SLC14A2: variants seen among roughly 807,000 people sequenced by gnomAD.
The protein encoded by SLC14A2 is solute carrier family 14 member 2, also known as urea transporter 2.
SLC14A2 carries 91 observed loss-of-function variants against 104.6 expected under a neutral mutation model. The ratio of observed to expected loss-of-function variants is 0.87; its 90% CI spans 0.73 to 1.04. The LOEUF is 1.04. SLC14A2 is among the 50% of genes least tolerant of loss of function. The pLI, the probability that SLC14A2 is intolerant of heterozygous loss-of-function variation, is 0.00. For missense variants in SLC14A2, 1,189 were observed against 1,156.0 expected (o/e 1.03, Z -0.41); for synonymous variants, 476 against 466.4 (o/e 1.02, Z -0.27).
chr18:45,499,716 T>C (rs376597782), intron 2 of SLC14A2, among the ~76,000 whole-genome samples: 30 of 152,174 alleles, frequency 2.0e-4, no homozygotes, highest in Admixed American at 1.8e-3. Flanking sequence ...GGTGTCAACA[T>C]TGGGTTTTAA....
intron 1 of SLC14A2, among the ~76,000 whole-genome samples, chr18:45,315,497 G>A (rs2085120526): frequency 6.6e-6 from 1 of 152,300 alleles, no homozygotes; most frequent in African/African-American, 2.4e-5. Context: ...CAGTGAGCAA[G>A]TGGAGCCTGA....
intron 1 of SLC14A2, among the ~76,000 whole-genome samples, chr18:45,245,909 A>G (rs2058971641): frequency 6.6e-6 from 1 of 152,242 alleles, no homozygotes; most frequent in South Asian, 2.1e-4. Context: ...TCAAGAGCAT[A>G]TACTATTGTT....
At chr18:45,414,757 A>AAAAAAAAAAAATATAT (rs1360051908) in intron 1 of SLC14A2, among the ~76,000 whole-genome samples, 1 of 76,110 alleles carries the variant, frequency 1.3e-5, no homozygotes, top group Non-Finnish European at 2.2e-5. Context: ...AAAAAAAAAA[A>AAAAAAAAAAAATATAT]ATATATATAT....
intron 10 of SLC14A2, among the ~76,000 whole-genome samples, chr18:45,659,607 A>G (rs1344624524): frequency 3.3e-5 from 5 of 152,154 alleles, no homozygotes; most frequent in Non-Finnish European, 7.3e-5. Flanking sequence ...ACCGTCTATA[A>G]ACTTCCACTC....
At chr18:45,310,717 T>G (rs1213918960) in intron 1 of SLC14A2, among the ~76,000 whole-genome samples, 1 of 152,216 alleles carries the variant, frequency 6.6e-6, no homozygotes, top group Admixed American at 6.5e-5. Context: ...ACTATGTCGG[T>G]CTCTATAACA....
chr18:45,445,125 T>G (rs1272643353), intron 1 of SLC14A2, among the ~76,000 whole-genome samples: 1 of 149,776 alleles, frequency 6.7e-6, no homozygotes, highest in African/African-American at 2.5e-5. Flanking sequence ...TTTTTTTTTT[T>G]TTTTAAGACG....
chr18:45,664,309 T>C (rs1015894272), intron 11 of SLC14A2, among the ~76,000 whole-genome samples: 7 of 152,166 alleles, frequency 4.6e-5, no homozygotes, highest in African/African-American at 1.7e-4. Flanking sequence ...TTCCCATCTA[T>C]GGCAATGGTG....
intron 1 of SLC14A2, among the ~76,000 whole-genome samples, chr18:45,449,059 T>A (rs1350831628): frequency 6.6e-6 from 1 of 152,068 alleles, no homozygotes; most frequent in East Asian, 1.9e-4. Context: ...GGCATTCAGG[T>A]CAGCTGTGAG....
At chr18:45,281,206 T>C (rs1481959595) in intron 1 of SLC14A2, among the ~76,000 whole-genome samples, 1 of 152,228 alleles carries the variant, frequency 6.6e-6, no homozygotes, top group African/African-American at 2.4e-5. Context: ...ATCATTTTTC[T>C]GGGGGTTAAC....
At position 45,431,502 on chromosome 18, in the gene SLC14A2, A is replaced by G. The variant is rs565229616; in HGVS notation, c.-124-51731A>G. On this transcript the variant is annotated intron_variant, in intron 1 of 20. Coordinates refer to the SLC14A2 transcript ENST00000586448. ...AACTACTTTGTGCAGTGCCTAGCAT[A>G]TGGTATGCACCCAAATAATGTTAGT... Among the ~76,000 whole-genome samples, 11 of 152,362 alleles carry G rather than the reference A, an allele frequency of 7.2e-5. No homozygotes were observed. In the East Asian group the frequency reaches 1.9e-3, roughly 27 times the overall value.
intron 1 of SLC14A2, among the ~76,000 whole-genome samples, chr18:45,330,788 A>G (rs544807562): frequency 6.6e-6 from 1 of 152,302 alleles, no homozygotes; most frequent in Admixed American, 6.5e-5. Flanking sequence ...TAAGAAGATC[A>G]AGATTCTGGA....
chr18:45,487,495 T>C (rs139026836), intron 2 of SLC14A2, among the ~76,000 whole-genome samples: 1 of 152,312 alleles, frequency 6.6e-6, no homozygotes, highest in East Asian at 1.9e-4. Context: ...TGGGCATTAT[T>C]CTGCCTACCA....
intron 2 of SLC14A2, among the ~76,000 whole-genome samples, chr18:45,605,807 T>C (rs1209278424): frequency 4.6e-5 from 7 of 152,024 alleles, no homozygotes; most frequent in Admixed American, 1.3e-4. Flanking sequence ...CCCAGAAAGA[T>C]AGGTTATCAG....
At position 45,649,497 on chromosome 18, in the gene SLC14A2, T is replaced by A. The variant is rs2045692857; in HGVS notation, c.1351+5337T>A. On this transcript the variant is annotated intron_variant, in intron 10 of 19. Transcript: ENST00000255226. ...TCATACATTCCCAGCCATTCTATCATCCATTTGGAGTTTACCATTTGTATT... is the reference window on the plus strand; with the variant it reads ...TCATACATTCCCAGCCATTCTATCAACCATTTGGAGTTTACCATTTGTATT... Among the ~76,000 whole-genome samples the A allele has an allele frequency of 2.0e-5, 3 of 152,378 alleles. No homozygotes were observed. The South Asian group carries it at 6.2e-4, about 32-fold the overall frequency.
At chr18:45,400,652 C>T (rs1288774271) in intron 1 of SLC14A2, among the ~76,000 whole-genome samples, 2 of 152,286 alleles carry the variant, frequency 1.3e-5, no homozygotes, top group East Asian at 3.9e-4. Flanking sequence ...ATCAATGTTT[C>T]TTGCCTGAGT....
intron 1 of SLC14A2, among the ~76,000 whole-genome samples, chr18:45,226,224 C>G (rs1178370082): frequency 6.6e-6 from 1 of 152,166 alleles, no homozygotes. Context: ...GTTGGTGGGA[C>G]TGTAAACTAG....
chr18:45,673,010 G>A lies in SLC14A2; in HGVS notation c.2340G>A (p.Leu780=), dbSNP rs761260620. The change falls in exon 17 of 20, where the codon TTG becomes TTA. Residue 780 remains leucine, a synonymous_variant. Coordinates refer to ENST00000255226, the MANE Select transcript of SLC14A2 (RefSeq NM_007163.4). Reference sequence around the variant, plus strand: ...TCATATCCTCACCTCTCATTTGCTTGCATGCAGCAATTGGATCCACCATGG... The same window carrying A: ...TCATATCCTCACCTCTCATTTGCTTACATGCAGCAATTGGATCCACCATGG... ...ALFISSPLIC[L]HAAIGSTMGM... The A allele has an allele frequency of 6.2e-7, 1 of 1,613,996 alleles. No individual in the cohort carries two copies. The highest frequency in any genetic ancestry group is 8.5e-7 in the Non-Finnish European group (1 of 1,180,004).
At chr18:45,227,662 A>G (rs1708262187) in intron 1 of SLC14A2, among the ~76,000 whole-genome samples, 1 of 152,198 alleles carries the variant, frequency 6.6e-6, no homozygotes, top group Non-Finnish European at 1.5e-5. Flanking sequence ...GCCACATTGA[A>G]ACTGTGGCAG....
chr18:45,232,936 C>T (rs776060084), intron 1 of SLC14A2, among the ~76,000 whole-genome samples: 16 of 152,182 alleles, frequency 1.1e-4, no homozygotes, highest in African/African-American at 2.2e-4. Context: ...GGCCATGAGA[C>T]GAGAAGGTAT....
Sources: allele counts gnomAD v4.1 joint callset (sites outside exome capture counted in the v4.1 genomes callset), GRCh38; gene constraint gnomAD v4.1.1; transcripts MANE v1.5; gene names NCBI Gene and HGNC (gene_info 2026-07-23, HGNC 2026-07-21).